The following SMG6 variants were observed in gnomAD, a reference collection of about 807,000 sequenced individuals.
The protein encoded by SMG6 is telomerase-binding protein EST1A.
In SMG6, 66 loss-of-function variants were observed where a neutral mutation model predicts 142.2. The ratio of observed to expected loss-of-function variants is 0.46; its 90% CI spans 0.38 to 0.57. The LOEUF is 0.57. Among genes scored for constraint, SMG6 ranks in the 20% least tolerant of loss-of-function variants. The pLI, the probability that SMG6 is intolerant of heterozygous loss-of-function variation, is 0.00. For missense variants in SMG6, 1,793 were observed against 1,832.0 expected, an observed-to-expected ratio of 0.98 and a Z score of 0.39; for synonymous variants, 779 against 702.4, an observed-to-expected ratio of 1.11 and a Z score of -1.72.
intron 13 of SMG6, among the ~76,000 whole-genome samples, chr17:2,159,343 T>C (rs1317855880): frequency 2.0e-5 from 3 of 152,052 alleles, no homozygotes; most frequent in Non-Finnish European, 2.9e-5. Flanking sequence ...GGTAGGAGAA[T>C]TGCTTTAACC....
At chr17:2,190,548 G>A (rs983513618) in intron 10 of SMG6, among the ~76,000 whole-genome samples, 1 of 152,216 alleles carries the variant, frequency 6.6e-6, no homozygotes, top group Non-Finnish European at 1.5e-5. Context: ...AGTTCAAGGT[G>A]GGGGCTAGGG....
At chr17:2,130,028 G>C (rs916812610) in intron 13 of SMG6, among the ~76,000 whole-genome samples, 4 of 151,556 alleles carry the variant, frequency 2.6e-5, no homozygotes, top group African/African-American at 9.7e-5. Context: ...GGGAGGCTGA[G>C]GCGAGTGGAT....
chr17:2,241,088 G>A (rs963241590), intron 9 of SMG6, among the ~76,000 whole-genome samples: 3 of 152,186 alleles, frequency 2.0e-5, no homozygotes, highest in African/African-American at 7.2e-5. Context: ...GATACCCATA[G>A]AGGGAGTGTA....
At chr17:2,066,936 C>G (rs932746896) in intron 16 of SMG6, among the ~76,000 whole-genome samples, 6 of 152,226 alleles carry the variant, frequency 3.9e-5, no homozygotes, top group Non-Finnish European at 5.9e-5. Flanking sequence ...GAGCACAGAG[C>G]AGGTTAAAGA....
intron 10 of SMG6, among the ~76,000 whole-genome samples, chr17:2,221,558 T>C (rs2073169906): frequency 6.6e-6 from 1 of 152,228 alleles, no homozygotes; most frequent in Non-Finnish European, 1.5e-5. Context: ...CAACAGTAGA[T>C]ACCAAAGCAC....
At position 2,071,518 on chromosome 17, in the gene SMG6, G is replaced by A. The variant is rs1040872219; in HGVS notation, c.3682-2587C>T. 6.6e-6 allele frequency among the ~76,000 whole-genome samples: 1 copy of A among 152,186 alleles called. No homozygotes were observed. The highest frequency in any genetic ancestry group is 6.5e-5 in the Admixed American group (1 of 15,274). On this transcript the variant is annotated intron_variant, in intron 15 of 18. Transcript: ENST00000263073. This position sits in a 1 kb window ranked among gnomAD's most constrained non-coding sequence, Gnocchi z 5.6. ...TGAATAGGCCGCAGCCTTTCAGAGG[G>A]GGCTTCCCTGGGTGTGGGGTGGGGC...
intron 8 of SMG6, among the ~76,000 whole-genome samples, chr17:2,253,119 T>TTTA (rs1555565843): frequency 1.1e-4 from 15 of 130,684 alleles, no homozygotes; most frequent in South Asian, 7.4e-4. Flanking sequence ...AAATATTTTA[T>TTTA]TTTATTTATT....
chr17:2,141,893 G>A (rs1011112342), intron 13 of SMG6, among the ~76,000 whole-genome samples: 2 of 152,136 alleles, frequency 1.3e-5, no homozygotes, highest in Non-Finnish European at 2.9e-5. Flanking sequence ...TTAACTCCAT[G>A]GTTCCTTTGT....
intron 13 of SMG6, chr17:2,088,568 TG>T: frequency 1.0e-6 from 1 of 985,458 alleles, no homozygotes; most frequent in African/African-American, 1.7e-5. Flanking sequence ...GTCTCTGACC[TG>T]GTGTTAACAG....
chr17:2,272,271 C>G (rs941693484), intron 8 of SMG6, among the ~76,000 whole-genome samples: 4 of 152,168 alleles, frequency 2.6e-5, no homozygotes, highest in African/African-American at 9.7e-5. Context: ...TTGGAACACT[C>G]TCTTCCCACT....
chr17:2,200,756 G>A (rs1330314740), intron 10 of SMG6, among the ~76,000 whole-genome samples: 2 of 152,032 alleles, frequency 1.3e-5, no homozygotes, highest in African/African-American at 2.4e-5. Context: ...GTTGCCCAGG[G>A]TGGAGTGCAG....
At chr17:2,302,340 A>C (rs890193691) in intron 1 of SMG6, among the ~76,000 whole-genome samples, 1 of 152,212 alleles carries the variant, frequency 6.6e-6, no homozygotes, top group Non-Finnish European at 1.5e-5. Flanking sequence ...ACAGGAGTCC[A>C]GACCATCCTG....
intron 13 of SMG6, among the ~76,000 whole-genome samples, chr17:2,158,041 G>A (rs1361847400): frequency 6.6e-6 from 1 of 152,192 alleles, no homozygotes; most frequent in East Asian, 1.9e-4. Flanking sequence ...GAATTTAAGG[G>A]AGTAATAAAA....
intron 13 of SMG6, among the ~76,000 whole-genome samples, chr17:2,158,510 T>C (rs544588688): frequency 6.4e-4 from 98 of 152,316 alleles, no homozygotes; most frequent in African/African-American, 2.3e-3. Context: ...AATAATGATA[T>C]CACAAAAAAT....
At chr17:2,174,008 T>C (rs563000365) in intron 12 of SMG6, among the ~76,000 whole-genome samples, 2 of 152,246 alleles carry the variant, frequency 1.3e-5, no homozygotes, top group Admixed American at 1.3e-4. Flanking sequence ...AGTTTTACTC[T>C]AAAAGAAGAG....
chr17:2,092,183 G>A (rs535977289), intron 13 of SMG6, among the ~76,000 whole-genome samples: 8 of 152,054 alleles, frequency 5.3e-5, no homozygotes, highest in East Asian at 1.9e-4. Flanking sequence ...ACGGGGTTTC[G>A]CCATGTTGGC....
intron 12 of SMG6, among the ~76,000 whole-genome samples, chr17:2,179,669 C>G (rs1162766334): frequency 6.6e-6 from 1 of 152,062 alleles, no homozygotes; most frequent in African/African-American, 2.4e-5. Flanking sequence ...CATCAGAATG[C>G]GAAGGTCTGG....
At chr17:2,090,182 C>CAAAAAAA (rs71150849) in intron 13 of SMG6, among the ~76,000 whole-genome samples, 2 of 96,672 alleles carry the variant, frequency 2.1e-5, no homozygotes, top group African/African-American at 4.1e-5. Flanking sequence ...GACTCTGTCT[C>CAAAAAAA]AAAAAAAAAA....
intron 9 of SMG6, among the ~76,000 whole-genome samples, chr17:2,240,624 G>A (rs2073777144): frequency 6.6e-6 from 1 of 152,218 alleles, no homozygotes; most frequent in African/African-American, 2.4e-5. Context: ...TAACTAGTAA[G>A]TGGTGAAAAA....
Sources: gnomAD v4.1 joint callset for allele counts (sites outside exome capture counted in the v4.1 genomes callset) on GRCh38, gnomAD v4.1.1 for gene constraint, Gnocchi (gnomAD v3.1) non-coding constraint, MANE v1.5 for transcripts, NCBI Gene and HGNC (gene_info 2026-07-23, HGNC 2026-07-21) for gene names.